Variants in CACNA1E observed in about 807,000 individuals in gnomAD.
CACNA1E encodes the protein calcium voltage-gated channel subunit alpha1 E.
Under a neutral mutation model 259.2 loss-of-function variants are expected in CACNA1E, and 40 were observed. The ratio of observed to expected loss-of-function variants is 0.15; its 90% CI spans 0.12 to 0.20. The LOEUF (loss-of-function observed/expected upper bound fraction) is 0.20, where lower values mean the gene tolerates loss of function less well. Among genes scored for constraint, CACNA1E ranks in the 10% least tolerant of loss-of-function variants. The pLI is 1.00. For missense variants in CACNA1E, 1,874 were observed against 3,040.1 expected, an observed-to-expected ratio of 0.62 and a Z score of 9.02; for synonymous variants, 1,104 against 1,138.5, an observed-to-expected ratio of 0.97 and a Z score of 0.61.
At chr1:181,477,762 C>G (rs1037004633) in intron 2 of CACNA1E, among the ~76,000 whole-genome samples, 1 of 152,198 alleles carries the variant, frequency 6.6e-6, no homozygotes, top group African/African-American at 2.4e-5. Context: ...ACCGTGGTCA[C>G]AGCTACTGAA....
chr1:181,741,809 A>G lies in CACNA1E; in HGVS notation c.3719+2556A>G, dbSNP rs1223469905. Among the ~76,000 whole-genome samples the G allele has an allele frequency of 2.6e-5, 4 of 152,268 alleles. No individual in the cohort carries two copies. The East Asian group carries it at 7.7e-4, about 29-fold the overall frequency. On this transcript the variant is annotated intron_variant, in intron 25 of 47. Coordinates refer to ENST00000367573, the MANE Select transcript of CACNA1E (RefSeq NM_001205293.3). ...GCAGGGGAAGCCTTAACGGCCCCGG[A>G]GCTGAAGCCTCTCTGTTGGTCCTCA...
chr1:181,769,144 AC>A (rs1311273051), intron 35 of CACNA1E, among the ~76,000 whole-genome samples: 3 of 152,016 alleles, frequency 2.0e-5, no homozygotes, highest in African/African-American at 7.2e-5. Flanking sequence ...ATCTCTCTTC[AC>A]CTTAACTCCC....
Position 181,418,197 on chromosome 1 carries a change from C to T in CACNA1E, c.434+4617C>T, listed in dbSNP as rs373179692. Among the ~76,000 whole-genome samples, 5 of 152,206 alleles carry T rather than the reference C, an allele frequency of 3.3e-5. No individual in the cohort carries two copies. In the South Asian group the frequency reaches 6.2e-4, roughly 19 times the overall value. ...TGTTTTTTTAGAGACAGGATTTTGCCGTGTTGCCCAGACTGATCTCAAACT... is the reference window on the plus strand; with the variant it reads ...TGTTTTTTTAGAGACAGGATTTTGCTGTGTTGCCCAGACTGATCTCAAACT... On this transcript the variant is annotated intron_variant, in intron 2 of 11. Transcript: ENST00000524607.
At position 181,804,510 on chromosome 1, in the gene CACNA1E, T is replaced by G. The variant is rs1282586448; in HGVS notation, c.*5676T>G. On this transcript the variant is annotated 3_prime_UTR_variant, in exon 48 of 48. Coordinates refer to ENST00000367573, the MANE Select transcript of CACNA1E (RefSeq NM_001205293.3). ...AGGACATCTTTAACCAATACAAAATTTATGTCTTAAGAAGATAATTTTTAC... is the reference window on the plus strand; with the variant it reads ...AGGACATCTTTAACCAATACAAAATGTATGTCTTAAGAAGATAATTTTTAC... The G allele has an allele frequency of 6.6e-6, 1 of 152,166 alleles. No individual in the cohort carries two copies. The highest frequency in any genetic ancestry group is 1.5e-5 in the Non-Finnish European group (1 of 68,020). 9.4% of individuals were successfully genotyped at this position (152,166 alleles called of 1,614,324 possible). A position where few individuals can be genotyped will look rare whatever the true frequency, so the allele number is the denominator to read the frequency against.
At chr1:181,656,452 T>C (rs917037975) in intron 7 of CACNA1E, among the ~76,000 whole-genome samples, 1 of 152,156 alleles carries the variant, frequency 6.6e-6, no homozygotes, top group Non-Finnish European at 1.5e-5. Context: ...AGAATAAGGA[T>C]GTAAGGAAAG....
chr1:181,344,025 G>A (rs1433877211), intron 1 of CACNA1E, among the ~76,000 whole-genome samples: 1 of 152,134 alleles, frequency 6.6e-6, no homozygotes, highest in Non-Finnish European at 1.5e-5. Flanking sequence ...ACAGGAAGTT[G>A]TTCCTGCCAA....
At chr1:181,717,449 G>A in intron 11 of CACNA1E, 147 bp downstream of exon 11, 1 of 657,766 alleles carries the variant, frequency 1.5e-6, no homozygotes. Context: ...TCCTCAAGGG[G>A]GCTGGAGTAT....
chr1:181,405,433 A>G (rs138255023), intron 1 of CACNA1E, among the ~76,000 whole-genome samples: 1 of 152,270 alleles, frequency 6.6e-6, no homozygotes, highest in East Asian at 1.9e-4. Context: ...CCCAGTCTAG[A>G]TAACTGGCAT....
chr1:181,723,589 A>G (rs1654611415), intron 16 of CACNA1E, among the ~76,000 whole-genome samples: 1 of 152,130 alleles, frequency 6.6e-6, no homozygotes, highest in Non-Finnish European at 1.5e-5. Flanking sequence ...CCACAGGTCG[A>G]TGGCTCAATC....
intron 7 of CACNA1E, among the ~76,000 whole-genome samples, chr1:181,691,435 G>A (rs1394321997): frequency 4.6e-5 from 7 of 151,872 alleles, no homozygotes; most frequent in Non-Finnish European, 1.0e-4. Flanking sequence ...GAAAAGGGTG[G>A]CATCACTATA....
At chr1:181,564,431 T>G (rs1277043704) in intron 3 of CACNA1E, among the ~76,000 whole-genome samples, 2 of 152,226 alleles carry the variant, frequency 1.3e-5, no homozygotes, top group African/African-American at 2.4e-5. Context: ...TTTTATGAGA[T>G]TGCAGCAATT....
intron 39 of CACNA1E, among the ~76,000 whole-genome samples, 157 bp from the exon 40 acceptor site, chr1:181,783,522 G>A (rs1660598703): frequency 6.6e-6 from 1 of 152,188 alleles, no homozygotes; most frequent in Non-Finnish European, 1.5e-5. Flanking sequence ...AGCCTTAAGT[G>A]AGAAGCAGGG....
intron 7 of CACNA1E, among the ~76,000 whole-genome samples, chr1:181,681,419 C>T (rs1649960136): frequency 1.3e-5 from 2 of 152,200 alleles, no homozygotes; most frequent in South Asian, 4.1e-4. Context: ...ATCTGGTCTG[C>T]AAATTCCCTT....
At chr1:181,769,286 C>G (rs1659286408) in intron 35 of CACNA1E, among the ~76,000 whole-genome samples, 1 of 151,484 alleles carries the variant, frequency 6.6e-6, no homozygotes, top group Admixed American at 6.6e-5. Context: ...CTCAGCATCC[C>G]TTCTTTCTCT....
intron 1 of CACNA1E, among the ~76,000 whole-genome samples, chr1:181,332,263 A>G (rs1651338093): frequency 6.6e-6 from 1 of 152,194 alleles, no homozygotes; most frequent in Non-Finnish European, 1.5e-5. Context: ...TAGCTAATGG[A>G]TGTTGGGCTT....
Position 181,477,186 on chromosome 1 carries a change from G to A in CACNA1E, c.435-6558G>A, listed in dbSNP as rs1295009829. Reference sequence around the variant, plus strand: ...CCCCCAAAACATCCTAAACATTCATGCTGCAGGCTGCTGCTCCATGCCTCC... The same window carrying A: ...CCCCCAAAACATCCTAAACATTCATACTGCAGGCTGCTGCTCCATGCCTCC... On this transcript the variant is annotated intron_variant, in intron 2 of 11. Transcript: ENST00000524607. Among the ~76,000 whole-genome samples, 3 of 134,102 alleles carry A rather than the reference G, an allele frequency of 2.2e-5. No individual in the cohort carries two copies. In the East Asian group the frequency reaches 6.4e-4, roughly 29 times the overall value. 88.0% of individuals were successfully genotyped at this position (134,102 alleles called of 152,430 possible).
At chr1:181,760,598 T>C (rs1658498624) in intron 32 of CACNA1E, among the ~76,000 whole-genome samples, 1 of 152,212 alleles carries the variant, frequency 6.6e-6, no homozygotes, top group Non-Finnish European at 1.5e-5. Flanking sequence ...GTAACAACAA[T>C]TGGTTGGCTA....
chr1:181,608,560 A>G (rs1393982548), intron 6 of CACNA1E, among the ~76,000 whole-genome samples: 3 of 152,006 alleles, frequency 2.0e-5, no homozygotes, highest in Non-Finnish European at 4.4e-5. Context: ...TGACCAGAAC[A>G]CTGTTGTGAC....
rs549538788 is a variant in CACNA1E, at chr1:181,707,786, TA to T, written c.1056-3160del. Among the ~76,000 whole-genome samples, 312 of 152,114 alleles carry T rather than the reference TA, an allele frequency of 2.1e-3. 1 individual carries two copies. Among genetic ancestry groups the T allele is most frequent in the African/African-American group, 5.5e-3 (230 of 41,492 alleles). On this transcript the variant is annotated intron_variant, in intron 7 of 47. Transcript: ENST00000367573. ...CCTAGTTAGCCTGGATATTTGTCAT[TA>T]AAAAAAATCTACTGAACATATACTA...
Sources: allele counts gnomAD v4.1 joint callset (sites outside exome capture counted in the v4.1 genomes callset), GRCh38; gene constraint gnomAD v4.1.1; transcripts MANE v1.5; gene names NCBI Gene and HGNC (gene_info 2026-07-23, HGNC 2026-07-21).